The following CTNND2 variants were observed in gnomAD, a reference collection of about 807,000 sequenced individuals.
CTNND2 encodes the protein catenin delta-2.
A neutral mutation model predicts 144.4 loss-of-function variants in CTNND2; 22 were observed. The observed-to-expected ratio is 0.15, with a 90% CI of 0.11 to 0.22. The LOEUF (loss-of-function observed/expected upper bound fraction) is 0.22. Among genes scored for constraint, CTNND2 ranks in the 10% least tolerant of loss-of-function variants. The pLI is 1.00. For synonymous variants in CTNND2, 751 were observed against 695.6 expected, an observed-to-expected ratio of 1.08 and a Z score of -1.25; for missense variants, 1,353 against 1,618.8, an observed-to-expected ratio of 0.84 and a Z score of 2.82.
At chr5:11,212,162 T>G (rs1292845280) in intron 10 of CTNND2, among the ~76,000 whole-genome samples, 4 of 152,202 alleles carry the variant, frequency 2.6e-5, no homozygotes, top group Non-Finnish European at 5.9e-5. Context: ...TAAACTGTGG[T>G]TGAGAAAATA....
intron 3 of CTNND2, among the ~76,000 whole-genome samples, chr5:11,421,413 T>C (rs2149853990): frequency 6.6e-6 from 1 of 152,304 alleles, no homozygotes; most frequent in South Asian, 2.1e-4. Context: ...GCTTGACGCT[T>C]ACTTTTGGTT....
intron 15 of CTNND2, among the ~76,000 whole-genome samples, chr5:11,084,468 A>G (rs866438118): frequency 7.9e-5 from 12 of 152,354 alleles, no homozygotes; most frequent in Admixed American, 3.9e-4. Flanking sequence ...GATCTTCCCT[A>G]AAACTAAGGA....
intron 9 of CTNND2, among the ~76,000 whole-genome samples, chr5:11,323,192 C>T (rs1752203381): frequency 6.8e-6 from 1 of 148,144 alleles, no homozygotes; most frequent in African/African-American, 2.5e-5. Flanking sequence ...TGTGCACCAC[C>T]ACTGCCCAGC....
chr5:11,385,936 T>A (rs1759044980), intron 6 of CTNND2: 1 of 152,284 alleles, frequency 6.6e-6, no homozygotes, highest in Non-Finnish European at 1.5e-5. Context: ...TTTCTAGATT[T>A]TAATACTGGG....
chr5:11,068,686 C>T (rs907895857), intron 16 of CTNND2, among the ~76,000 whole-genome samples: 7 of 152,272 alleles, frequency 4.6e-5, no homozygotes, highest in South Asian at 2.1e-4. Context: ...GAAGCCGAGG[C>T]GGGCGGATCA....
At chr5:11,588,833 C>T in intron 2 of CTNND2, 1 of 985,268 alleles carries the variant, frequency 1.0e-6, no homozygotes, top group African/African-American at 1.7e-5. Context: ...GTTACTCTTC[C>T]CTCCTTCCCC....
intron 2 of CTNND2, among the ~76,000 whole-genome samples, chr5:11,698,731 C>T (rs1785256829): frequency 6.6e-6 from 1 of 152,014 alleles, no homozygotes; most frequent in African/African-American, 2.4e-5. Flanking sequence ...CTAAAATATA[C>T]TTAATTTCAT....
At chr5:11,050,321 C>A (rs1014975504) in intron 16 of CTNND2, among the ~76,000 whole-genome samples, 1 of 152,178 alleles carries the variant, frequency 6.6e-6, no homozygotes, top group African/African-American at 2.4e-5. Flanking sequence ...AAGCTACGTT[C>A]AATGTTTCCC....
intron 11 of CTNND2, among the ~76,000 whole-genome samples, chr5:11,184,302 A>AT (rs1370695912): frequency 1.3e-5 from 2 of 152,240 alleles, no homozygotes; most frequent in Admixed American, 6.5e-5. Context: ...ACTGTTAAGT[A>AT]TATCTGGAAA....
At chr5:11,285,726 C>T (rs539792329) in intron 9 of CTNND2, among the ~76,000 whole-genome samples, 13 of 152,256 alleles carry the variant, frequency 8.5e-5, no homozygotes, top group East Asian at 7.7e-4. Flanking sequence ...TTCTTACCTC[C>T]GCTTCCCTCT....
chr5:11,375,181 A>T (rs1757817507), intron 7 of CTNND2, among the ~76,000 whole-genome samples: 1 of 152,178 alleles, frequency 6.6e-6, no homozygotes, highest in Non-Finnish European at 1.5e-5. Context: ...CTTCTAAAAT[A>T]CAAACTGAAA....
intron 5 of CTNND2, among the ~76,000 whole-genome samples, chr5:11,405,363 G>A (rs192049307): frequency 1.8e-4 from 27 of 152,296 alleles, no homozygotes; most frequent in Admixed American, 7.8e-4. Context: ...CCTTGTTAGA[G>A]AAGGTATAAC....
chr5:11,123,632 T>C (rs888976270), intron 12 of CTNND2, among the ~76,000 whole-genome samples: 9 of 152,226 alleles, frequency 5.9e-5, no homozygotes, highest in Admixed American at 5.2e-4. Flanking sequence ...CCTATGCTCC[T>C]CTGCTGCATC....
At chr5:11,024,754 G>GTT (rs1742643996) in intron 16 of CTNND2, among the ~76,000 whole-genome samples, 1 of 152,160 alleles carries the variant, frequency 6.6e-6, no homozygotes, top group East Asian at 1.9e-4. Flanking sequence ...TTTTAGTTTT[G>GTT]TTGGTATTAT....
chr5:11,645,079 C>CTT (rs1782277325), intron 2 of CTNND2, among the ~76,000 whole-genome samples: 1 of 152,102 alleles, frequency 6.6e-6, no homozygotes, highest in Non-Finnish European at 1.5e-5. Context: ...GATCCTTCTG[C>CTT]CTCAGTATCT....
chr5:11,758,798 A>G (rs1789094619), intron 1 of CTNND2, among the ~76,000 whole-genome samples: 1 of 152,058 alleles, frequency 6.6e-6, no homozygotes, highest in South Asian at 2.1e-4. Flanking sequence ...GACCAATTAA[A>G]TTATTCTATG....
intron 6 of CTNND2, among the ~76,000 whole-genome samples, chr5:11,390,391 T>C (rs2149807386): frequency 6.6e-6 from 1 of 152,282 alleles, no homozygotes; most frequent in Non-Finnish European, 1.5e-5. Context: ...AGGGGACAAT[T>C]CTCAGAACTT....
chr5:11,230,268 G>A (rs1421163635), intron 10 of CTNND2, among the ~76,000 whole-genome samples: 1 of 149,834 alleles, frequency 6.7e-6, no homozygotes. Flanking sequence ...CCTAATGCTA[G>A]ATGACGAGTT....
rs139017732 is a variant in CTNND2, at chr5:11,058,053, T to C, written c.2788+24643A>G. On this transcript the variant is annotated intron_variant, in intron 16 of 21. Transcript: ENST00000304623. ...TGGGTACTGTTAAAAGCATTTGGTT[T>C]TATAAGGGAAGCAGAGCATAAAAGT... 9.8e-4 allele frequency among the ~76,000 whole-genome samples: 149 copies of C among 152,192 alleles called. 1 individual carries two copies. The East Asian group carries it at 0.022, about 23-fold the overall frequency.
Sources: gnomAD v4.1 joint callset for allele counts (sites outside exome capture counted in the v4.1 genomes callset) on GRCh38, gnomAD v4.1.1 for gene constraint, MANE v1.5 for transcripts, NCBI Gene and HGNC (gene_info 2026-07-23, HGNC 2026-07-21) for gene names.